Variants in EDNRA observed in about 807,000 individuals in gnomAD.
The protein encoded by EDNRA is endothelin receptor type A.
EDNRA carries 11 observed loss-of-function variants against 41.4 expected under a neutral mutation model. The observed-to-expected ratio is 0.27, with a 90% CI of 0.17 to 0.44. The LOEUF is 0.44. Among genes scored for constraint, EDNRA ranks in the 20% least tolerant of loss-of-function variants. The pLI is 1.00. For missense variants in EDNRA, 294 were observed against 531.0 expected (o/e 0.55, Z 4.39); for synonymous variants, 172 against 183.0 (o/e 0.94, Z 0.49).
intron 2 of EDNRA, among the ~76,000 whole-genome samples, chr4:147,498,941 C>T (rs1729409583): frequency 1.3e-5 from 2 of 152,184 alleles, no homozygotes; most frequent in Admixed American, 1.3e-4. Flanking sequence ...TGCCTAATGC[C>T]TTAACCCCAA....
intron 1 of EDNRA, among the ~76,000 whole-genome samples, chr4:147,483,029 T>C (rs1728825331): frequency 6.6e-6 from 1 of 152,216 alleles, no homozygotes; most frequent in Admixed American, 6.5e-5. Flanking sequence ...GCACAAGATA[T>C]GAAAGTATTT....
intron 3 of EDNRA, among the ~76,000 whole-genome samples, chr4:147,522,296 T>G (rs1183035271): frequency 6.6e-6 from 1 of 152,164 alleles, no homozygotes; most frequent in African/African-American, 2.4e-5. Context: ...CCCAGCACTT[T>G]GTGAGGCCAA....
rs201786889 is a variant in EDNRA, at chr4:147,544,458, T to C, written c.*1840T>C. The C allele has an allele frequency of 1.3e-5, 2 of 152,686 alleles. No individual in the cohort carries two copies. The highest frequency in any genetic ancestry group is 2.9e-5 in the Non-Finnish European group (2 of 68,040). The allele number at this position is 152,686 out of a possible 1,614,324, so 9.5% of individuals were successfully genotyped here. On this transcript the variant is annotated 3_prime_UTR_variant, in exon 8 of 8. Transcript: ENST00000651419. Reference sequence around the variant, plus strand: ...GATGAAATTGCCAGGTTGTCTGATATTTCTTTCAGACTTCGCCAGACAGAT... The same window carrying C: ...GATGAAATTGCCAGGTTGTCTGATACTTCTTTCAGACTTCGCCAGACAGAT...
At chr4:147,506,012 G>A in intron 2 of EDNRA, 2 of 397,366 alleles carry the variant, frequency 5.0e-6, no homozygotes, top group Non-Finnish European at 4.8e-6. Flanking sequence ...TCTTGAGCAT[G>A]TATCCCAGAG....
chr4:147,538,411 C>T (rs113779040), intron 5 of EDNRA, among the ~76,000 whole-genome samples: 1,871 of 152,302 alleles, frequency 0.012, 34 homozygotes, highest in African/African-American at 0.043. Context: ...CCCCAGCTGC[C>T]TTAACAAATC....
chr4:147,514,871 C>T (rs1466140201), intron 2 of EDNRA, among the ~76,000 whole-genome samples: 1 of 152,218 alleles, frequency 6.6e-6, no homozygotes, highest in Admixed American at 6.5e-5. Context: ...CATGGCACCT[C>T]TAGAGCAGTG....
intron 2 of EDNRA, among the ~76,000 whole-genome samples, chr4:147,517,236 T>G (rs1217161635): frequency 6.6e-6 from 1 of 152,214 alleles, no homozygotes; most frequent in Non-Finnish European, 1.5e-5. Context: ...AAGCTCCAAG[T>G]GCTTCTGCTA....
At chr4:147,498,574 A>C (rs1729395853) in intron 2 of EDNRA, among the ~76,000 whole-genome samples, 1 of 152,100 alleles carries the variant, frequency 6.6e-6, no homozygotes, top group South Asian at 2.1e-4. Flanking sequence ...GAGTAGTTTC[A>C]ACAGACACCA....
At chr4:147,492,119 C>G (rs1454062239) in intron 2 of EDNRA, 1 of 152,238 alleles carries the variant, frequency 6.6e-6, no homozygotes, top group African/African-American at 2.4e-5. Context: ...ATCCATGATC[C>G]AAACTGGGTT....
rs1163110519 is a variant in EDNRA at position 147,535,930 on chromosome 4, C to T, written c.801C>T (p.Pro267=). The T allele has an allele frequency of 2.5e-6, 4 of 1,613,612 alleles. No homozygotes were observed. The highest frequency in any genetic ancestry group is 1.1e-5 in the South Asian group (1 of 91,032). Residue 267 remains proline, a synonymous_variant, in exon 5 of 8, where the codon CCC becomes CCT. Transcript: ENST00000651419. ...TCTTCGGGTTCTATTTCTGTATGCC[C>T]TTGGTGTGCACTGCGATCTTCTACA... ...WWLFGFYFCM[P]LVCTAIFYTL... is the part of the protein sequence containing the mutation.
intron 2 of EDNRA, among the ~76,000 whole-genome samples, chr4:147,497,168 T>G (rs1355364879): frequency 8.3e-5 from 12 of 144,570 alleles, no homozygotes; most frequent in African/African-American, 2.8e-4. Context: ...TTTTTTTTTT[T>G]TTTTTTTGTT....
chr4:147,515,372 G>A (rs1730080511), intron 2 of EDNRA, among the ~76,000 whole-genome samples: 1 of 152,122 alleles, frequency 6.6e-6, no homozygotes, highest in African/African-American at 2.4e-5. Flanking sequence ...TGGTGGTGGG[G>A]GGAAGGGGGA....
intron 1 of EDNRA, among the ~76,000 whole-genome samples, chr4:147,484,750 G>A (rs1258623040): frequency 2.6e-5 from 4 of 152,228 alleles, no homozygotes; most frequent in African/African-American, 9.6e-5. Flanking sequence ...ATACCGTATT[G>A]TGATGATAAT....
intron 2 of EDNRA, chr4:147,494,868 C>T (rs894805123): frequency 5.3e-5 from 8 of 152,124 alleles, no homozygotes; most frequent in African/African-American, 1.9e-4. Context: ...TTAACAGGAA[C>T]ATTCTGGCCA....
At chr4:147,517,951 T>C (rs1730173642) in intron 2 of EDNRA, among the ~76,000 whole-genome samples, 1 of 152,212 alleles carries the variant, frequency 6.6e-6, no homozygotes, top group Non-Finnish European at 1.5e-5. Context: ...GTCTCCCTTA[T>C]TAAGCAAGAA....
chr4:147,501,222 T>C (rs947288195), intron 2 of EDNRA, among the ~76,000 whole-genome samples: 1 of 152,244 alleles, frequency 6.6e-6, no homozygotes, highest in African/African-American at 2.4e-5. Context: ...AGTAAGTGCC[T>C]GAGGGCTCAA....
At chr4:147,529,012 A>C (rs576047855) in intron 3 of EDNRA, among the ~76,000 whole-genome samples, 119 of 152,344 alleles carry the variant, frequency 7.8e-4, no homozygotes, top group African/African-American at 2.7e-3. Context: ...TGGCAAAGCA[A>C]GGTGGACATA....
At chr4:147,500,024 C>G (rs1413704124) in intron 2 of EDNRA, among the ~76,000 whole-genome samples, 1 of 151,976 alleles carries the variant, frequency 6.6e-6, no homozygotes. Flanking sequence ...AGGCTGATCT[C>G]GAACTCCTGA....
At chr4:147,524,879 CA>C (rs1730477460) in intron 3 of EDNRA, among the ~76,000 whole-genome samples, 1 of 151,516 alleles carries the variant, frequency 6.6e-6, no homozygotes. Context: ...AATTTGGTTG[CA>C]TTATATTCTA....
Sources: gnomAD v4.1 joint callset for allele counts (sites outside exome capture counted in the v4.1 genomes callset) on GRCh38, gnomAD v4.1.1 for gene constraint, MANE v1.5 for transcripts, NCBI Gene and HGNC (gene_info 2026-07-23, HGNC 2026-07-21) for gene names.